Variants in BAZ2B observed in about 807,000 individuals in gnomAD.
BAZ2B encodes bromodomain adjacent to zinc finger domain protein 2B.
Under a neutral mutation model 246.0 loss-of-function variants are expected in BAZ2B, and 91 were observed. The ratio of observed to expected loss-of-function variants is 0.37; its 90% CI spans 0.31 to 0.44. The LOEUF is 0.44. Among genes scored for constraint, BAZ2B ranks in the 20% least tolerant of loss-of-function variants. The pLI, the probability that BAZ2B is intolerant of heterozygous loss-of-function variation, is 1.00. For synonymous variants in BAZ2B, 855 were observed against 860.0 expected (o/e 0.99, Z 0.10); for missense variants, 2,332 against 2,533.7 (o/e 0.92, Z 1.71).
intron 24 of BAZ2B, among the ~76,000 whole-genome samples, chr2:159,383,237 G>A (rs1177169061): frequency 1.3e-5 from 2 of 152,050 alleles, no homozygotes; most frequent in Non-Finnish European, 2.9e-5. Flanking sequence ...GCTAGATTCC[G>A]TAAAAGCAAA....
Position 159,428,398 on chromosome 2 carries a change from T to C in BAZ2B, c.2277A>G (p.Ile759Met), listed in dbSNP as rs2070395307. 1 of 1,613,158 alleles carries C rather than the reference T, an allele frequency of 6.2e-7. No homozygotes were observed. Among genetic ancestry groups the C allele is most frequent in the South Asian group, 1.1e-5 (1 of 91,040 alleles). The change falls in exon 12 of 37, where the codon ATA (isoleucine) becomes ATG (methionine). Residue 759 changes from isoleucine (I) to methionine (M), a missense_variant. Physicochemically the swap from Ile to Met is conservative, Grantham distance 10 (BLOSUM62 1). Around this residue, in one of 9 missense-constraint regions of BAZ2B, gnomAD observed 651 missense variants for 650.9 expected, o/e 1.00. Coordinates refer to ENST00000392783, the MANE Select transcript of BAZ2B (RefSeq NM_013450.4). The stretch of plus-strand genomic sequence containing the variant: ...CTTGAAGGCGCCCTCCAAAGTTTCT[T>C]ATTCTTGTCTCTCTCTGCCAGCTAC... ...LEYGWQRETR[I>M]RNFGGRLQGE...
chr2:159,708,625 A>T, the BAZ2B span, among the ~76,000 whole-genome samples: 1 of 151,568 alleles, frequency 6.6e-6, no homozygotes, highest in Non-Finnish European at 1.5e-5. Flanking sequence ...CCAGGCCTGA[A>T]TGCAGTGGCA....
At chr2:159,549,824 CTT>C (rs766811132) in intron 2 of BAZ2B, among the ~76,000 whole-genome samples, 5 of 131,114 alleles carry the variant, frequency 3.8e-5, no homozygotes, top group Non-Finnish European at 5.0e-5. Context: ...TTTTTTCTTT[CTT>C]TTTTTTTTTT....
chr2:159,553,873 A>G (rs1420229695), intron 2 of BAZ2B, among the ~76,000 whole-genome samples: 1 of 152,130 alleles, frequency 6.6e-6, no homozygotes, highest in Non-Finnish European at 1.5e-5. Flanking sequence ...ATCTATGACT[A>G]GTCTCCTGAT....
intron 13 of BAZ2B, among the ~76,000 whole-genome samples, chr2:159,422,018 TAGGA>T (rs2068852840): frequency 1.3e-5 from 2 of 152,210 alleles, no homozygotes; most frequent in East Asian, 3.9e-4. Context: ...ATAAAATACC[TAGGA>T]ATATAGCTAT....
chr2:159,522,528 T>A (rs1186858457), intron 2 of BAZ2B, among the ~76,000 whole-genome samples: 1 of 152,216 alleles, frequency 6.6e-6, no homozygotes, highest in African/African-American at 2.4e-5. Flanking sequence ...TACGTTAATG[T>A]CTAACCTCAA....
the BAZ2B span, among the ~76,000 whole-genome samples, chr2:159,658,017 G>C: frequency 6.6e-6 from 1 of 152,208 alleles, no homozygotes; most frequent in Admixed American, 6.5e-5. Context: ...TCTGATCTTA[G>C]TGGGAAAGCA....
At chr2:159,704,317 A>T in the BAZ2B span, among the ~76,000 whole-genome samples, 1 of 152,220 alleles carries the variant, frequency 6.6e-6, no homozygotes, top group Non-Finnish European at 1.5e-5. Flanking sequence ...AAAGTGAAAC[A>T]GGAATAGTGG....
intron 3 of BAZ2B, chr2:159,463,308 T>C: frequency 3.2e-6 from 1 of 311,132 alleles, no homozygotes. Context: ...GACGATTCCT[T>C]AACGTGTCTA....
At chr2:159,497,675 A>C (rs2081309342) in intron 2 of BAZ2B, among the ~76,000 whole-genome samples, 1 of 152,208 alleles carries the variant, frequency 6.6e-6, no homozygotes, top group Admixed American at 6.5e-5. Flanking sequence ...GCCTAAGTAT[A>C]CAAGTTTAAA....
Position 159,349,284 on chromosome 2 carries a change from C to G in BAZ2B, c.4864-4G>C, listed in dbSNP as rs778831679. ...TCATAGATACTCCACCTTTCACCTG[C>G]AAAAAGAAAACATTTATTAATGAAA... On this transcript the variant is annotated splice_polypyrimidine_tract_variant and splice_region_variant and intron_variant, in intron 28 of 36. Coordinates refer to ENST00000392783, the MANE Select transcript of BAZ2B (RefSeq NM_013450.4). 1 of 1,569,390 alleles carries G rather than the reference C, an allele frequency of 6.4e-7. No individual in the cohort carries two copies. Among genetic ancestry groups the G allele is most frequent in the Non-Finnish European group, 8.6e-7 (1 of 1,157,308 alleles).
At chr2:159,656,036 T>G in the BAZ2B span, among the ~76,000 whole-genome samples, 1 of 152,292 alleles carries the variant, frequency 6.6e-6, no homozygotes, top group African/African-American at 2.4e-5. Context: ...TTTTGACTTT[T>G]AGAGAGCATG....
chr2:159,422,937 A>C (rs2069039970), intron 13 of BAZ2B, among the ~76,000 whole-genome samples: 1 of 152,192 alleles, frequency 6.6e-6, no homozygotes, highest in Non-Finnish European at 1.5e-5. Flanking sequence ...ACAAATATAC[A>C]CAGAAATGCT....
intron 27 of BAZ2B, among the ~76,000 whole-genome samples, chr2:159,370,585 G>A (rs983140384): frequency 6.6e-6 from 1 of 151,758 alleles, no homozygotes; most frequent in Non-Finnish European, 1.5e-5. Flanking sequence ...CGTTAACCAG[G>A]ATGGTCTTGA....
At position 159,531,641 on chromosome 2, in the gene BAZ2B, G is replaced by A. The variant is rs141592008; in HGVS notation, c.-3+24182C>T. Among the ~76,000 whole-genome samples, 27 of 152,136 alleles carry A rather than the reference G, an allele frequency of 1.8e-4. No individual in the cohort carries two copies. In the East Asian group the frequency reaches 3.9e-3, roughly 22 times the overall value. On this transcript the variant is annotated intron_variant, in intron 2 of 36. Transcript: ENST00000392783. ...TAGCAAAACATCTATGTGCTCCAAA[G>A]CTGCCATTTTTCTTCCTTGACAAAG...
the BAZ2B span, among the ~76,000 whole-genome samples, chr2:159,710,565 C>T: frequency 1.2e-4 from 18 of 152,232 alleles, no homozygotes; most frequent in Non-Finnish European, 2.2e-4. Context: ...ATGATAATTA[C>T]CTGAATACTA....
At chr2:159,691,665 G>A in the BAZ2B span, among the ~76,000 whole-genome samples, 1 of 152,102 alleles carries the variant, frequency 6.6e-6, no homozygotes, top group Non-Finnish European at 1.5e-5. Context: ...CTGCTTCTTG[G>A]TAGCAACTCC....
chr2:159,575,611 T>G (rs1372633404), intron 1 of BAZ2B, among the ~76,000 whole-genome samples: 3 of 152,170 alleles, frequency 2.0e-5, no homozygotes, highest in Non-Finnish European at 4.4e-5. Context: ...TGAACCTCTC[T>G]AAGATTCCTA....
At chr2:159,406,350 A>G (rs2065932830) in intron 14 of BAZ2B, among the ~76,000 whole-genome samples, 1 of 152,254 alleles carries the variant, frequency 6.6e-6, no homozygotes, top group African/African-American at 2.4e-5. Flanking sequence ...GAACAAGCCC[A>G]GCCAAGATAA....
Sources: allele counts gnomAD v4.1 joint callset (sites outside exome capture counted in the v4.1 genomes callset), GRCh38; gene constraint gnomAD v4.1.1; regional missense constraint gnomAD v4.1.1; transcripts MANE v1.5; gene names NCBI Gene and HGNC (gene_info 2026-07-23, HGNC 2026-07-21).